The following GRID1 variants were observed in gnomAD, a reference collection of about 807,000 sequenced individuals.
The protein encoded by GRID1 is glutamate ionotropic receptor delta type subunit 1, also known as glutamate receptor ionotropic, delta-1.
A neutral mutation model predicts 98.0 loss-of-function variants in GRID1; 28 were observed. That is an observed-to-expected ratio of 0.29 (90% CI 0.21 to 0.39). The LOEUF (loss-of-function observed/expected upper bound fraction) is 0.39. Ranked by LOEUF, GRID1 falls within the 10% of genes least tolerant of loss-of-function variation. The pLI is 1.00. For missense variants in GRID1, 1,111 were observed against 1,340.5 expected, an observed-to-expected ratio of 0.83 and a Z score of 2.67; for synonymous variants, 553 against 538.5, an observed-to-expected ratio of 1.03 and a Z score of -0.37.
At chr10:85,811,303 A>T (rs1345964173) in intron 8 of GRID1, among the ~76,000 whole-genome samples, 1 of 152,218 alleles carries the variant, frequency 6.6e-6, no homozygotes, top group Non-Finnish European at 1.5e-5. Flanking sequence ...GTGCATAAAT[A>T]TCAATGTAAG....
intron 8 of GRID1, among the ~76,000 whole-genome samples, chr10:85,815,767 TAAG>T (rs1842710845): frequency 6.6e-6 from 1 of 151,984 alleles, no homozygotes; most frequent in South Asian, 2.1e-4. Context: ...AATACACTAT[TAAG>T]TAATGAAAAG....
chr10:85,750,299 C>G (rs1371420739), intron 8 of GRID1, among the ~76,000 whole-genome samples: 1 of 152,144 alleles, frequency 6.6e-6, no homozygotes, highest in African/African-American at 2.4e-5. Context: ...AAGCACACAA[C>G]TCTTCTGACC....
In GRID1 at chr10:85,869,062, C is replaced by T. The variant is rs748228467; in HGVS notation, c.899G>A (p.Arg300His). The part of the protein sequence containing the change: ...DNQKCTRNNH[R>H]ISSLLCDPQE... ...GGGGTCGCAGAGCAGGGAGGAGATG[C>T]GGTGGTTGTTCCTCGTGCATTTCTG... The change falls in exon 6 of 16, where the codon CGC becomes CAC. Residue 300 changes from arginine to histidine, a missense_variant. Coordinates refer to ENST00000327946, the MANE Select transcript of GRID1 (RefSeq NM_017551.3). 28 of 1,613,834 alleles carry T rather than the reference C, an allele frequency of 1.7e-5. No homozygotes were observed. Among genetic ancestry groups the T allele is most frequent in the African/African-American group, 2.7e-5 (2 of 74,886 alleles).
chr10:85,703,589 T>C (rs1055757797), intron 12 of GRID1, among the ~76,000 whole-genome samples: 3 of 152,062 alleles, frequency 2.0e-5, no homozygotes, highest in African/African-American at 4.8e-5. Context: ...TATGAATATA[T>C]AGTTTCACTG....
intron 8 of GRID1, among the ~76,000 whole-genome samples, chr10:85,821,539 A>AAAAAAAAAAAAAAAAC (rs770693495): frequency 1.0e-5 from 1 of 97,594 alleles, no homozygotes; most frequent in Non-Finnish European, 2.2e-5. Context: ...AAAAAAAAAA[A>AAAAAAAAAAAAAAAAC]AAAAAAGAAA....
At chr10:85,984,197 C>T (rs944037248) in intron 4 of GRID1, among the ~76,000 whole-genome samples, 1 of 152,150 alleles carries the variant, frequency 6.6e-6, no homozygotes, top group Non-Finnish European at 1.5e-5. Context: ...TACTTTCTCA[C>T]AAGGCTCCTA....
intron 12 of GRID1, among the ~76,000 whole-genome samples, chr10:85,695,461 G>T (rs1373855855): frequency 6.6e-6 from 1 of 152,146 alleles, no homozygotes; most frequent in Non-Finnish European, 1.5e-5. Flanking sequence ...TTACAGCCAG[G>T]TTGTGCATAT....
At chr10:85,670,153 T>C (rs756007651) in intron 12 of GRID1, among the ~76,000 whole-genome samples, 3 of 152,246 alleles carry the variant, frequency 2.0e-5, no homozygotes, top group Non-Finnish European at 4.4e-5. Flanking sequence ...TGGAGACTTA[T>C]GGTTCATAAT....
intron 8 of GRID1, among the ~76,000 whole-genome samples, chr10:85,833,673 T>A (rs1842889442): frequency 6.6e-6 from 1 of 152,208 alleles, no homozygotes. Context: ...TCAGATGTTT[T>A]AATTATCTGA....
At chr10:85,890,054 C>A (rs1332067002) in intron 5 of GRID1, among the ~76,000 whole-genome samples, 2 of 151,930 alleles carry the variant, frequency 1.3e-5, no homozygotes, top group African/African-American at 4.8e-5. Context: ...TGTTCAATAT[C>A]TTCCTATTAG....
rs1845855771 is a variant in GRID1, at chr10:86,195,202, CTG to C, written c.520+11160_520+11161del. On this transcript the variant is annotated intron_variant, in intron 3 of 15. Transcript: ENST00000327946. The surrounding 1 kb of genome is among the most constrained non-coding windows in gnomAD (Gnocchi z 4.4). ...GAGGGCCACACTGCACAGTCAGCGACTGTGCTTGACTGAGAAACAGCCAAGCA... is the reference window on the plus strand; with the variant it reads ...GAGGGCCACACTGCACAGTCAGCGACTGCTTGACTGAGAAACAGCCAAGCA... Among the ~76,000 whole-genome samples the C allele has an allele frequency of 2.0e-5, 3 of 152,208 alleles. No individual in the cohort carries two copies. Among genetic ancestry groups the C allele is most frequent in the Admixed American group, 6.5e-5 (1 of 15,272 alleles).
At chr10:86,363,566 C>A (rs1024596550) in intron 2 of GRID1, among the ~76,000 whole-genome samples, 5 of 152,146 alleles carry the variant, frequency 3.3e-5, no homozygotes, top group East Asian at 3.9e-4. Flanking sequence ...GAGGTGCGCC[C>A]GATACAGGTA....
At chr10:86,131,860 C>T (rs747076327) in intron 4 of GRID1, among the ~76,000 whole-genome samples, 1 of 152,064 alleles carries the variant, frequency 6.6e-6, no homozygotes, top group Non-Finnish European at 1.5e-5. Flanking sequence ...GGACAGAAGT[C>T]GGTGCTCCTG....
chr10:85,826,928 A>G (rs1054308273), intron 8 of GRID1, among the ~76,000 whole-genome samples: 1 of 152,208 alleles, frequency 6.6e-6, no homozygotes, highest in Non-Finnish European at 1.5e-5. Context: ...ACATTATGCC[A>G]CAATCAAACC....
At chr10:85,869,217 C>T (rs1843253028) in intron 5 of GRID1, 37 bp from the exon 6 acceptor site, 3 of 1,575,986 alleles carry the variant, frequency 1.9e-6, no homozygotes, top group Non-Finnish European at 2.6e-6. Context: ...ACCATCCACT[C>T]ATGAACTATC....
At chr10:86,221,999 A>T (rs12358586) in intron 2 of GRID1, among the ~76,000 whole-genome samples, 11,666 of 152,076 alleles carry the variant, frequency 0.077, 557 homozygotes, top group Admixed American at 0.1. Flanking sequence ...GAAACAGGGG[A>T]CAGAGCCAGC....
chr10:85,832,723 C>A (rs1407694471), intron 8 of GRID1, among the ~76,000 whole-genome samples: 5 of 152,114 alleles, frequency 3.3e-5, no homozygotes, highest in Admixed American at 2.0e-4. Context: ...CGGCCCCCAA[C>A]AACATAAAAA....
chr10:86,061,366 A>T (rs1290149694), intron 4 of GRID1, among the ~76,000 whole-genome samples: 1 of 152,036 alleles, frequency 6.6e-6, no homozygotes, highest in African/African-American at 2.4e-5. Context: ...GCCCCTTCCC[A>T]GGAAGGGATC....
intron 2 of GRID1, among the ~76,000 whole-genome samples, chr10:86,246,390 T>C (rs1846726600): frequency 6.6e-6 from 1 of 152,166 alleles, no homozygotes; most frequent in African/African-American, 2.4e-5. Flanking sequence ...GCCTGTCTGC[T>C]ATCTGAGAGG....
Sources: allele counts gnomAD v4.1 joint callset (sites outside exome capture counted in the v4.1 genomes callset), GRCh38; gene constraint gnomAD v4.1.1; non-coding constraint Gnocchi (gnomAD v3.1); transcripts MANE v1.5; gene names NCBI Gene and HGNC (gene_info 2026-07-23, HGNC 2026-07-21).